The following DDAH1 variants were observed in gnomAD, a reference collection of about 807,000 sequenced individuals.
DDAH1 encodes N(G),N(G)-dimethylarginine dimethylaminohydrolase 1.
DDAH1 carries 19 observed loss-of-function variants against 28.8 expected under a neutral mutation model. The ratio of observed to expected loss-of-function variants is 0.66; its 90% CI spans 0.46 to 0.97. The LOEUF (loss-of-function observed/expected upper bound fraction) is 0.97, where lower values mean the gene tolerates loss of function less well. Among genes scored for constraint, DDAH1 ranks in the 50% least tolerant of loss-of-function variants. The pLI, the probability that DDAH1 is intolerant of heterozygous loss-of-function variation, is 0.00. For synonymous variants in DDAH1, 153 were observed against 154.4 expected (o/e 0.99, Z 0.07); for missense variants, 326 against 375.9 (o/e 0.87, Z 1.10).
intron 1 of DDAH1, among the ~76,000 whole-genome samples, chr1:85,562,813 T>A (rs551943106): frequency 5.3e-5 from 8 of 152,322 alleles, no homozygotes; most frequent in African/African-American, 1.9e-4. Flanking sequence ...AAATTTCTGT[T>A]GTTTTAAGCC....
chr1:85,468,224 T>C (rs1458243458), upstream of DDAH1, among the ~76,000 whole-genome samples: 2 of 152,246 alleles, frequency 1.3e-5, no homozygotes, highest in Non-Finnish European at 2.9e-5. Context: ...CAGATGTTCC[T>C]GATTGATTCT....
chr1:85,435,565 T>C (rs1252813572), intron 1 of DDAH1, among the ~76,000 whole-genome samples: 1 of 151,980 alleles, frequency 6.6e-6, no homozygotes, highest in Non-Finnish European at 1.5e-5. Flanking sequence ...TGTGAGAAGG[T>C]AGTAAGTCCT....
chr1:85,513,012 T>G (rs1657302873), intron 1 of DDAH1, among the ~76,000 whole-genome samples: 1 of 152,142 alleles, frequency 6.6e-6, no homozygotes, highest in South Asian at 2.1e-4. Flanking sequence ...TTAAAGTTCA[T>G]ATGGAACCAA....
intron 1 of DDAH1, among the ~76,000 whole-genome samples, chr1:85,443,543 GTT>G (rs1357380856): frequency 6.6e-6 from 1 of 152,202 alleles, no homozygotes; most frequent in South Asian, 2.1e-4. Context: ...CTTTAAAGTA[GTT>G]TTTTCCAATT....
At chr1:85,515,829 A>C (rs1403872673) in intron 1 of DDAH1, among the ~76,000 whole-genome samples, 1 of 152,192 alleles carries the variant, frequency 6.6e-6, no homozygotes, top group Non-Finnish European at 1.5e-5. Context: ...ATAGTGGATG[A>C]GTTTGCTAGG....
intron 1 of DDAH1, among the ~76,000 whole-genome samples, chr1:85,426,921 CAAAAAA>C (rs10680800): frequency 8.3e-6 from 1 of 120,432 alleles, no homozygotes; most frequent in East Asian, 2.4e-4. Context: ...TTAAAAAAAA[CAAAAAA>C]AAAAAAAAAA....
chr1:85,342,104 A>C (rs1159758624), intron 4 of DDAH1, among the ~76,000 whole-genome samples: 1 of 152,092 alleles, frequency 6.6e-6, no homozygotes, highest in Non-Finnish European at 1.5e-5. Context: ...TTGTTTTTTC[A>C]AGAAGAGAAC....
chr1:85,429,306 G>T (rs1419552406), intron 1 of DDAH1, among the ~76,000 whole-genome samples: 1 of 152,004 alleles, frequency 6.6e-6, no homozygotes, highest in Non-Finnish European at 1.5e-5. Flanking sequence ...GAGAATGAGG[G>T]TTTCCAGCTT....
chr1:85,373,322 G>C (rs1650486733), intron 1 of DDAH1, among the ~76,000 whole-genome samples: 1 of 152,080 alleles, frequency 6.6e-6, no homozygotes, highest in Non-Finnish European at 1.5e-5. Context: ...GTGAACTAAA[G>C]AGTATCTGAT....
chr1:85,391,296 A>G (rs776282808), intron 1 of DDAH1, among the ~76,000 whole-genome samples: 165 of 152,182 alleles, frequency 1.1e-3, no homozygotes, highest in Admixed American at 2.8e-3. Flanking sequence ...CCTACAGAAG[A>G]CCTCCAAATA....
At chr1:85,575,121 C>G (rs755963976) in intron 1 of DDAH1, among the ~76,000 whole-genome samples, 1 of 151,662 alleles carries the variant, frequency 6.6e-6, no homozygotes, top group East Asian at 1.9e-4. Context: ...GTCCCAGCTA[C>G]TCAGGAGGCT....
At chr1:85,429,426 T>C (rs1176313018) in intron 1 of DDAH1, among the ~76,000 whole-genome samples, 1 of 152,252 alleles carries the variant, frequency 6.6e-6, no homozygotes, top group South Asian at 2.1e-4. Context: ...TCATGGGCAT[T>C]TGGCTTGGTT....
intron 1 of DDAH1, among the ~76,000 whole-genome samples, chr1:85,539,856 T>G (rs1409470971): frequency 2.0e-5 from 3 of 151,642 alleles, no homozygotes; most frequent in Non-Finnish European, 4.4e-5. Context: ...CCTGTCAAAC[T>G]TAATTCAACT....
At chr1:85,393,732 A>G (rs1438420099) in intron 1 of DDAH1, among the ~76,000 whole-genome samples, 1 of 152,180 alleles carries the variant, frequency 6.6e-6, no homozygotes, top group Non-Finnish European at 1.5e-5. Flanking sequence ...TGTCTCAGCA[A>G]ATAATGGTGT....
At chr1:85,347,453 C>A (rs1359181794) in intron 4 of DDAH1, among the ~76,000 whole-genome samples, 1 of 152,160 alleles carries the variant, frequency 6.6e-6, no homozygotes, top group African/African-American at 2.4e-5. Flanking sequence ...AGGATGAGTT[C>A]ATGTCCTTTG....
chr1:85,564,233 T>C (rs1659219838), intron 1 of DDAH1, among the ~76,000 whole-genome samples: 1 of 152,036 alleles, frequency 6.6e-6, no homozygotes, highest in Admixed American at 6.6e-5. Context: ...ATATATATAA[T>C]AAATGTGATT....
upstream of DDAH1, among the ~76,000 whole-genome samples, chr1:85,469,364 G>A (rs1413234648): frequency 1.3e-5 from 2 of 152,180 alleles, no homozygotes; most frequent in African/African-American, 4.8e-5. Flanking sequence ...TGTAATGAAA[G>A]CTTGGCTCCA....
At chr1:85,554,909 T>C (rs1432832815) in intron 1 of DDAH1, among the ~76,000 whole-genome samples, 1 of 152,244 alleles carries the variant, frequency 6.6e-6, no homozygotes, top group Non-Finnish European at 1.5e-5. Context: ...ATAAGTCTAT[T>C]AACAGGCAAA....
chr1:85,385,521 A>G (rs768009210), intron 1 of DDAH1, among the ~76,000 whole-genome samples: 1 of 152,226 alleles, frequency 6.6e-6, no homozygotes, highest in Admixed American at 6.5e-5. Context: ...TGGAAAACCC[A>G]TAAGTTTGGA....
Sources: allele counts gnomAD v4.1 joint callset (sites outside exome capture counted in the v4.1 genomes callset), GRCh38; gene constraint gnomAD v4.1.1; transcripts MANE v1.5; gene names NCBI Gene and HGNC (gene_info 2026-07-23, HGNC 2026-07-21).